Variants in FHIP2B observed in about 807,000 individuals in gnomAD.
FHIP2B encodes the protein FHF complex subunit HOOK interacting protein 2B, also known as FHF complex subunit HOOK-interacting protein 2B.
In FHIP2B, 72 loss-of-function variants were observed where a neutral mutation model predicts 84.0. That is an observed-to-expected ratio of 0.86 (90% CI 0.71 to 1.04). The LOEUF is 1.04. Among genes scored for constraint, FHIP2B ranks in the 50% least tolerant of loss-of-function variants. The pLI is 0.00. For synonymous variants in FHIP2B, 497 were observed against 418.7 expected (o/e 1.19, Z -2.28); for missense variants, 972 against 968.9 (o/e 1.00, Z -0.04).
intron 10 of FHIP2B, chr8:22,100,329 C>T (rs1005070611): frequency 1.2e-5 from 5 of 424,718 alleles, no homozygotes; most frequent in African/African-American, 2.1e-5. Flanking sequence ...ACTCCCATTT[C>T]TCAGACATGG....
At chr8:22,093,193 C>T (rs1186619333) in intron 1 of FHIP2B, among the ~76,000 whole-genome samples, 1 of 152,164 alleles carries the variant, frequency 6.6e-6, no homozygotes, top group Non-Finnish European at 1.5e-5. Flanking sequence ...GGATACAGAG[C>T]ACCTTGGGCA....
chr8:22,096,711 A>G (rs1331062965), intron 3 of FHIP2B: 1 of 670,822 alleles, frequency 1.5e-6, no homozygotes, highest in Non-Finnish European at 2.3e-6. Context: ...TGCTCTTCCC[A>G]GTCCTGACAC....
In FHIP2B at chr8:22,100,136, A is replaced by C; in HGVS notation, c.1341+243A>C. 3 of 488,572 alleles carry C rather than the reference A, an allele frequency of 6.1e-6. No homozygotes were observed. In the South Asian group the frequency reaches 8.8e-5, roughly 14 times the overall value. The allele number at this position is 488,572 out of a possible 1,614,324, so 30.3% of individuals were successfully genotyped here. A position where few individuals can be genotyped will look rare whatever the true frequency, so the allele number is the denominator to read the frequency against. On this transcript the variant is annotated intron_variant, in intron 10 of 16. Coordinates refer to ENST00000289921, the MANE Select transcript of FHIP2B (RefSeq NM_022749.7). ...GGCCCTGGAGTGCAGAGGTGTGATC[A>C]TAACTCACTGCAGTCTCCAACTCCT... is the stretch of plus-strand genomic sequence containing the variant.
At chr8:22,100,517 C>T in intron 10 of FHIP2B, 77 bp from the exon 11 acceptor site, 3 of 1,418,388 alleles carry the variant, frequency 2.1e-6, no homozygotes, top group Non-Finnish European at 2.8e-6. Flanking sequence ...CTTTTCTTAT[C>T]TGGGTTAGCC....
At chr8:22,089,862 C>T in intron 1 of FHIP2B, 1 of 1,271,608 alleles carries the variant, frequency 7.9e-7, no homozygotes, top group Non-Finnish European at 1.0e-6. Context: ...AGGGTAAAGA[C>T]CCGGGGCAGG....
chr8:22,101,356 C>A (rs1435263197), intron 12 of FHIP2B, 84 bp from the exon 13 acceptor site: 1 of 1,147,416 alleles, frequency 8.7e-7, no homozygotes, highest in Admixed American at 2.0e-5. Flanking sequence ...CCCTGGGGTC[C>A]AGTCAGGGAG....
intron 16 of FHIP2B, 23 bp from the exon 17 acceptor site, chr8:22,102,770 C>T (rs1170422759): frequency 1.2e-6 from 2 of 1,610,990 alleles, no homozygotes; most frequent in South Asian, 1.1e-5. Context: ...CCCAGCCATG[C>T]CCCCTGTGCC....
In FHIP2B at chr8:22,099,686, GGTGCC is replaced by G. The variant is rs936564912; in HGVS notation, c.1152-17_1152-13del. On this transcript the variant is annotated splice_polypyrimidine_tract_variant and intron_variant, in intron 9 of 16. Coordinates refer to ENST00000289921, the MANE Select transcript of FHIP2B (RefSeq NM_022749.7). The stretch of plus-strand genomic sequence containing the variant: ...GTCTGCACACACCGGGCCTGGCTAA[GGTGCC>G]CTCTTCCCGTAGGTCCGAGCAGAGC... The G allele has an allele frequency of 1.3e-6, 2 of 1,554,768 alleles. No homozygotes were observed. Among genetic ancestry groups the G allele is most frequent in the African/African-American group, 2.8e-5 (2 of 72,268 alleles).
rs1304481532 is a variant in FHIP2B at position 22,104,905 on chromosome 8, G to A, written c.*1974G>A. ...AAGTTAACACATAAATAAACCCTTT[G>A]TCCTCAGATGTGTGTGGAGGGGTGG... On this transcript the variant is annotated 3_prime_UTR_variant, in exon 17 of 17. Transcript: ENST00000289921. 1.4e-5 allele frequency: 2 copies of A among 146,712 alleles called. No individual in the cohort carries two copies. The highest frequency in any genetic ancestry group is 6.8e-5 in the Admixed American group (1 of 14,720). 9.1% of individuals were successfully genotyped at this position (146,712 alleles called of 1,614,324 possible). A position where few individuals can be genotyped will look rare whatever the true frequency, so the allele number is the denominator to read the frequency against.
chr8:22,099,766 C>A lies in FHIP2B; in HGVS notation c.1214C>A (p.Ser405Tyr). 8 of 1,611,280 alleles carry A rather than the reference C, an allele frequency of 5.0e-6. No individual in the cohort carries two copies. The highest frequency in any genetic ancestry group is 6.8e-6 in the Non-Finnish European group (8 of 1,179,516). The change falls in exon 10 of 17, where the codon TCC (serine) becomes TAC (tyrosine). Residue 405 changes from serine (S) to tyrosine (Y), a missense_variant. Physicochemically the swap from Ser to Tyr is moderately radical, Grantham distance 144 (BLOSUM62 -2). Transcript: ENST00000289921. ...ACAGCCATGCTGCGCCAGCTTCGCT[C>A]CCCTGCGCTGCTGCGGGAGGCCGTG... ...LLTAMLRQLRSPALLREAVAF... is the reference protein window; with the variant it reads ...LLTAMLRQLRYPALLREAVAF...
chr8:22,100,467 CT>C, intron 10 of FHIP2B, 126 bp from the exon 11 acceptor site: 1 of 1,120,336 alleles, frequency 8.9e-7, no homozygotes, highest in South Asian at 2.7e-5. Flanking sequence ...AACCTGCCAC[CT>C]TAGCATCCAG....
rs1417914160 is a variant in FHIP2B, at chr8:22,102,180, C to T, written c.1857C>T (p.Tyr619=). The T allele has an allele frequency of 6.2e-6, 10 of 1,613,404 alleles. No homozygotes were observed. Among genetic ancestry groups the T allele is most frequent in the East Asian group, 4.5e-5 (2 of 44,890 alleles). ...DRMSRILDQP[Y]SLNLQVTSVL... ...TGTCCACCATGTTCCTACAGCCATA[C>T]AGCCTGAACCTGCAGGTGACCTCGG... is the stretch of plus-strand genomic sequence containing the variant. The change falls in exon 15 of 17, where the codon TAC becomes TAT. Residue 619 remains tyrosine (Y), a synonymous_variant. Coordinates refer to ENST00000289921, the MANE Select transcript of FHIP2B (RefSeq NM_022749.7).
chr8:22,094,535 C>A lies in FHIP2B; in HGVS notation c.124+17C>A. 1 of 1,608,996 alleles carries A rather than the reference C, an allele frequency of 6.2e-7. No individual in the cohort carries two copies. Among genetic ancestry groups the A allele is most frequent in the South Asian group, 1.1e-5 (1 of 90,818 alleles). On this transcript the variant is annotated intron_variant, in intron 2 of 16. Coordinates refer to ENST00000289921, the MANE Select transcript of FHIP2B (RefSeq NM_022749.7). ...AGAGCACAGGTGCGGCCTGGCCCTC[C>A]CCAGCCCAGGGACCCTGGAGGGAGC... is the stretch of plus-strand genomic sequence containing the variant.
chr8:22,090,133 T>TGG (rs796176116), intron 1 of FHIP2B, among the ~76,000 whole-genome samples: 5 of 57,756 alleles, frequency 8.7e-5, no homozygotes, highest in African/African-American at 4.0e-4. Flanking sequence ...GTAGGAAGGG[T>TGG]GGGGGTATTC....
Position 22,096,500 on chromosome 8 carries a change from C to T in FHIP2B, c.288C>T (p.Gly96=). ...HKILETLCTL[G]KAEYPPGMRQ... is the part of the protein sequence containing the mutation. ...TCCTGGAGACTCTCTGCACGCTGGGCAAGGCCGAGGTGGGAGGCCCTCTGC... is the reference window on the plus strand; with the variant it reads ...TCCTGGAGACTCTCTGCACGCTGGGTAAGGCCGAGGTGGGAGGCCCTCTGC... The change falls in exon 3 of 17, where the codon GGC becomes GGT. Residue 96 remains glycine, a synonymous_variant. Coordinates refer to ENST00000289921, the MANE Select transcript of FHIP2B (RefSeq NM_022749.7). The T allele has an allele frequency of 6.5e-7, 1 of 1,537,870 alleles. No individual in the cohort carries two copies. The highest frequency in any genetic ancestry group is 8.8e-7 in the Non-Finnish European group (1 of 1,138,690).
rs1586340884 is a variant in FHIP2B, at chr8:22,100,377, A to G, written c.1342-217A>G. On this transcript the variant is annotated intron_variant, in intron 10 of 16. Transcript: ENST00000289921. ...GGAGAAGCGAATTGGCTTGCCTGAA[A>G]TTGCACATCAAATTAGTCACATACC... 3 of 463,078 alleles carry G rather than the reference A, an allele frequency of 6.5e-6. No individual in the cohort carries two copies. The East Asian group carries it at 1.0e-4, about 16-fold the overall frequency. 28.7% of individuals were successfully genotyped at this position (463,078 alleles called of 1,614,324 possible).
intron 3 of FHIP2B, chr8:22,096,722 T>C (rs910262907): frequency 1.6e-6 from 1 of 617,428 alleles, no homozygotes; most frequent in Admixed American, 3.9e-5. Flanking sequence ...GTCCTGACAC[T>C]GAAAGTGGCA....
intron 9 of FHIP2B, 112 bp from the exon 10 acceptor site, chr8:22,099,592 T>C: frequency 7.6e-7 from 1 of 1,316,976 alleles, no homozygotes; most frequent in Non-Finnish European, 1.0e-6. Context: ...GATGGGCAAG[T>C]GACCACAGAC....
intron 10 of FHIP2B, 146 bp from the exon 11 acceptor site, chr8:22,100,448 T>C: frequency 1.2e-6 from 1 of 828,832 alleles, no homozygotes; most frequent in South Asian, 3.7e-5. Flanking sequence ...ACCCCCCAAC[T>C]ACCCCCAAAA....
Sources: allele counts gnomAD v4.1 joint callset (sites outside exome capture counted in the v4.1 genomes callset), GRCh38; gene constraint gnomAD v4.1.1; transcripts MANE v1.5; gene names NCBI Gene and HGNC (gene_info 2026-07-23, HGNC 2026-07-21).